The following POFUT3 variants were observed in gnomAD, a reference collection of about 807,000 sequenced individuals.
POFUT3 encodes the protein protein O-fucosyltransferase 3, also known as GDP-fucose protein O-fucosyltransferase 3.
chr8:33,362,983 A>G, the POFUT3 span, among the ~76,000 whole-genome samples: 1 of 152,200 alleles, frequency 6.6e-6, no homozygotes, highest in Non-Finnish European at 1.5e-5. Context: ...TCTCAGCACC[A>G]CATCATGCTT....
the POFUT3 span, among the ~76,000 whole-genome samples, chr8:33,379,864 T>TAAAATATATATATATATATATATAA: frequency 2.4e-5 from 3 of 124,058 alleles, no homozygotes; most frequent in African/African-American, 9.7e-5. Context: ...TATATATATA[T>TAAAATATATATATATATATATATAA]AATATATATA....
the POFUT3 span, among the ~76,000 whole-genome samples, chr8:33,323,363 G>A: frequency 6.6e-6 from 1 of 152,158 alleles, no homozygotes; most frequent in East Asian, 1.9e-4. Context: ...GCGTTGCACT[G>A]CAAATCTGCA....
At chr8:33,336,747 G>A in the POFUT3 span, among the ~76,000 whole-genome samples, 1 of 152,176 alleles carries the variant, frequency 6.6e-6, no homozygotes, top group East Asian at 1.9e-4. Flanking sequence ...CTGATATGGA[G>A]AACTGTTCCT....
At chr8:33,385,604 G>A in the POFUT3 span, among the ~76,000 whole-genome samples, 3 of 152,138 alleles carry the variant, frequency 2.0e-5, no homozygotes, top group African/African-American at 4.8e-5. Flanking sequence ...AAGGAAGGCA[G>A]GGCGCAGTGG....
At chr8:33,372,258 C>A in the POFUT3 span, 1 of 1,062,416 alleles carries the variant, frequency 9.4e-7, no homozygotes, top group Non-Finnish European at 1.1e-6. Context: ...TAGATCGTCT[C>A]CCTCCATTGC....
chr8:33,353,597 T>C, the POFUT3 span, among the ~76,000 whole-genome samples: 1 of 152,156 alleles, frequency 6.6e-6, no homozygotes, highest in African/African-American at 2.4e-5. Flanking sequence ...TGCTAAAGGA[T>C]TGTGCAACTT....
the POFUT3 span, among the ~76,000 whole-genome samples, chr8:33,471,621 A>G: frequency 2.0e-5 from 3 of 152,212 alleles, no homozygotes; most frequent in East Asian, 5.8e-4. Flanking sequence ...ACATTTGTAC[A>G]TATATAAATA....
At chr8:33,311,615 C>T in the POFUT3 span, among the ~76,000 whole-genome samples, 16 of 152,148 alleles carry the variant, frequency 1.1e-4, no homozygotes, top group African/African-American at 3.4e-4. Context: ...GTCGGTTTTA[C>T]TTCCCCTGCA....
chr8:33,371,595 T>C, the POFUT3 span: 1 of 152,142 alleles, frequency 6.6e-6, no homozygotes, highest in Non-Finnish European at 1.5e-5. Context: ...AAAGAAAACA[T>C]GAGCCAGTGT....
the POFUT3 span, among the ~76,000 whole-genome samples, chr8:33,390,548 CAA>C: frequency 0.27 from 23,505 of 87,452 alleles, 2,084 homozygotes; most frequent in South Asian, 0.49. Context: ...TGATTAACTG[CAA>C]AAAAAAAAAA....
the POFUT3 span, among the ~76,000 whole-genome samples, chr8:33,416,817 G>C: frequency 1.4e-5 from 2 of 141,312 alleles, no homozygotes; most frequent in Non-Finnish European, 3.0e-5. Context: ...CTGCACTCCA[G>C]CCTGGGCGAC....
the POFUT3 span, among the ~76,000 whole-genome samples, chr8:33,349,590 A>G: frequency 6.6e-6 from 1 of 152,140 alleles, no homozygotes; most frequent in Non-Finnish European, 1.5e-5. Flanking sequence ...AACTCCATAC[A>G]AGCAGCTGCA....
the POFUT3 span, among the ~76,000 whole-genome samples, chr8:33,464,307 G>C: frequency 6.6e-6 from 1 of 152,116 alleles, no homozygotes; most frequent in Non-Finnish European, 1.5e-5. Context: ...GCTAATATTT[G>C]TTGAGTAACC....
chr8:33,453,598 C>A, the POFUT3 span: 1 of 1,169,574 alleles, frequency 8.6e-7, no homozygotes, highest in Non-Finnish European at 1.2e-6. Context: ...TAGCCCCTGA[C>A]TCGTTTTCAA....
At chr8:33,432,678 C>T in the POFUT3 span, among the ~76,000 whole-genome samples, 1 of 152,010 alleles carries the variant, frequency 6.6e-6, no homozygotes, top group Non-Finnish European at 1.5e-5. Context: ...ATACAGAAAG[C>T]CCAAATATGC....
chr8:33,364,052 T>C, the POFUT3 span, among the ~76,000 whole-genome samples: 9 of 152,068 alleles, frequency 5.9e-5, no homozygotes, highest in African/African-American at 2.2e-4. Context: ...TCCAGCAGCA[T>C]ATCAAAAAGC....
At chr8:33,436,401 C>T in the POFUT3 span, 6 of 1,419,484 alleles carry the variant, frequency 4.2e-6, no homozygotes, top group South Asian at 7.0e-5. Flanking sequence ...CTGGACCATA[C>T]TCCTCAAACT....
chr8:33,318,610 ATTG>A, the POFUT3 span, among the ~76,000 whole-genome samples: 7 of 93,536 alleles, frequency 7.5e-5, no homozygotes. Flanking sequence ...ATATAAATAT[ATTG>A]TATATATATT....
At chr8:33,440,202 A>C in the POFUT3 span, among the ~76,000 whole-genome samples, 1 of 152,122 alleles carries the variant, frequency 6.6e-6, no homozygotes, top group East Asian at 1.9e-4. Flanking sequence ...GTCTCTGTGA[A>C]AAATTAAAAA....
Sources: allele counts gnomAD v4.1 joint callset (sites outside exome capture counted in the v4.1 genomes callset), GRCh38; gene constraint gnomAD v4.1.1; transcripts MANE v1.5; gene names NCBI Gene and HGNC (gene_info 2026-07-23, HGNC 2026-07-21).